Variants in NT5DC3 observed in about 807,000 individuals in gnomAD.
NT5DC3 encodes the protein 5'-nucleotidase domain containing 3.
In NT5DC3, 42 loss-of-function variants were observed where a neutral mutation model predicts 67.8. That is an observed-to-expected ratio of 0.62 (90% CI 0.48 to 0.80). NT5DC3 has a LOEUF of 0.80. NT5DC3 is among the 30% of genes least tolerant of loss of function. The probability of loss-of-function intolerance (pLI) is 0.00; values close to 1 mark genes in which losing one functional copy is unlikely to be tolerated. For missense variants in NT5DC3, 570 were observed against 696.4 expected (o/e 0.82, Z 2.04); for synonymous variants, 237 against 255.6 (o/e 0.93, Z 0.69).
At chr12:103,809,943 G>A (rs535257182) in intron 2 of NT5DC3, among the ~76,000 whole-genome samples, 4 of 152,278 alleles carry the variant, frequency 2.6e-5, no homozygotes, top group South Asian at 2.1e-4. Flanking sequence ...GGGCAAGGTC[G>A]TCTGTCCCTC....
intron 4 of NT5DC3, among the ~76,000 whole-genome samples, chr12:103,801,546 C>T (rs1327675111): frequency 6.6e-6 from 1 of 151,774 alleles, no homozygotes; most frequent in Non-Finnish European, 1.5e-5. Context: ...CCACGCCCGG[C>T]TAATTTTTGC....
intron 2 of NT5DC3, among the ~76,000 whole-genome samples, chr12:103,811,596 G>A (rs868468899): frequency 6.6e-6 from 1 of 152,172 alleles, no homozygotes; most frequent in South Asian, 2.1e-4. Context: ...GCCAAGAGGC[G>A]CCTGAGAGAC....
intron 11 of NT5DC3, 47 bp downstream of exon 11, chr12:103,787,394 G>T: frequency 1.1e-6 from 1 of 880,520 alleles, no homozygotes; most frequent in Non-Finnish European, 1.7e-6. Context: ...TTTAGTAAGT[G>T]AGACTAACAC....
In NT5DC3 at chr12:103,793,253, C is replaced by T. The variant is rs2139341162; in HGVS notation, c.930G>A (p.Met310Ile). 2.5e-6 allele frequency: 4 copies of T among 1,610,846 alleles called. No homozygotes were observed. The highest frequency in any genetic ancestry group is 3.3e-4 in the Middle Eastern group (2 of 6,042). The change falls in exon 9 of 14, where the codon ATG (methionine) becomes ATA (isoleucine). Residue 310 changes from methionine (M) to isoleucine (I), a missense_variant. Around this residue, in one of 2 missense-constraint regions of NT5DC3, gnomAD observed 466 missense variants for 608.0 expected, o/e 0.77. Transcript: ENST00000392876. Reference protein sequence around the residue: ...NSPSSFVDKGMSYIVGKDWRD... With the variant: ...NSPSSFVDKGISYIVGKDWRD... ...TCCAGTCTTTCCCAACGATATAACT[C>T]ATCCCTTTGTCCCTAGGGCAACAAG... is the stretch of plus-strand genomic sequence containing the variant.
At chr12:103,805,464 G>T (rs1886758333) in intron 4 of NT5DC3, among the ~76,000 whole-genome samples, 2 of 152,130 alleles carry the variant, frequency 1.3e-5, no homozygotes, top group African/African-American at 4.8e-5. Context: ...ATACTTTTAA[G>T]TATAAGCTGT....
the NT5DC3 span, chr12:103,755,542 C>A: frequency 1.2e-6 from 2 of 1,609,386 alleles, no homozygotes; most frequent in Non-Finnish European, 1.7e-6. Context: ...CAGTCACTCC[C>A]CAAGCAGAAG....
chr12:103,769,550 G>A (rs1052543582), downstream of NT5DC3, among the ~76,000 whole-genome samples: 17 of 152,202 alleles, frequency 1.1e-4, no homozygotes, highest in Non-Finnish European at 2.4e-4. Context: ...ATGGAGCTTG[G>A]AGGAGTGCCG....
At chr12:103,761,343 A>T in the NT5DC3 span, 1 of 1,614,046 alleles carries the variant, frequency 6.2e-7, no homozygotes, top group Non-Finnish European at 8.5e-7. Context: ...CTGCAGTGGG[A>T]CATCTTTGCC....
intron 1 of NT5DC3, among the ~76,000 whole-genome samples, chr12:103,818,118 G>C (rs181437518): frequency 2.6e-4 from 40 of 152,228 alleles, no homozygotes; most frequent in Non-Finnish European, 5.4e-4. Context: ...AAATTTCATG[G>C]GATTCATCCC....
At chr12:103,764,099 G>A in the NT5DC3 span, among the ~76,000 whole-genome samples, 3 of 151,872 alleles carry the variant, frequency 2.0e-5, no homozygotes, top group Admixed American at 6.6e-5. Flanking sequence ...GATTACAGGC[G>A]CATACCACCA....
the NT5DC3 span, chr12:103,763,270 C>T: frequency 6.2e-5 from 34 of 548,186 alleles, no homozygotes; most frequent in African/African-American, 1.1e-4. Context: ...CCCTATGTGC[C>T]GATTTGGTGG....
the NT5DC3 span, among the ~76,000 whole-genome samples, chr12:103,749,951 G>C: frequency 6.7e-6 from 1 of 150,162 alleles, no homozygotes; most frequent in Non-Finnish European, 1.5e-5. Flanking sequence ...GGTGGTTCTA[G>C]AGTCAGATTG....
At chr12:103,757,938 T>C in the NT5DC3 span, 1 of 566,524 alleles carries the variant, frequency 1.8e-6, no homozygotes, top group South Asian at 2.3e-5. Context: ...AGCAGCCACG[T>C]GGAGGATGGG....
chr12:103,829,236 T>G (rs1887826309), intron 1 of NT5DC3, among the ~76,000 whole-genome samples: 1 of 152,230 alleles, frequency 6.6e-6, no homozygotes, highest in African/African-American at 2.4e-5. Context: ...TTTGGGGCTC[T>G]GCATATAGTC....
At chr12:103,781,867 C>T (rs1885566548) in intron 12 of NT5DC3, among the ~76,000 whole-genome samples, 1 of 152,204 alleles carries the variant, frequency 6.6e-6, no homozygotes, top group Admixed American at 6.5e-5. Flanking sequence ...TCTCCATCTC[C>T]AGTGGTTGTT....
chr12:103,759,393 T>G, the NT5DC3 span: 9 of 1,379,436 alleles, frequency 6.5e-6, no homozygotes, highest in Non-Finnish European at 7.7e-6. Flanking sequence ...AACCTGCAGA[T>G]AGGGGACGGT....
At chr12:103,803,947 A>T (rs1886693466) in intron 4 of NT5DC3, among the ~76,000 whole-genome samples, 1 of 151,092 alleles carries the variant, frequency 6.6e-6, no homozygotes, top group South Asian at 2.1e-4. Flanking sequence ...AAGAGCACAG[A>T]CTCTGGACCC....
the NT5DC3 span, among the ~76,000 whole-genome samples, chr12:103,757,020 TATATATATATAA>T: frequency 5.3e-3 from 687 of 128,854 alleles, 3 homozygotes; most frequent in African/African-American, 0.018. Flanking sequence ...TATATATATA[TATATATATATAA>T]AATATATATA....
the NT5DC3 span, among the ~76,000 whole-genome samples, chr12:103,750,032 G>T: frequency 6.6e-6 from 1 of 152,128 alleles, no homozygotes; most frequent in African/African-American, 2.4e-5. Context: ...CTGAGCCCCA[G>T]TTTTCTCATT....
Sources: gnomAD v4.1 joint callset for allele counts (sites outside exome capture counted in the v4.1 genomes callset) on GRCh38, gnomAD v4.1.1 for gene constraint, gnomAD v4.1.1 regional missense constraint, MANE v1.5 for transcripts, NCBI Gene and HGNC (gene_info 2026-07-23, HGNC 2026-07-21) for gene names.